The following ZNF831 variants were observed in gnomAD, a reference collection of about 807,000 sequenced individuals.
ZNF831 encodes the protein zinc finger protein 831.
In ZNF831, 59 loss-of-function variants were observed where a neutral mutation model predicts 95.8. The observed-to-expected ratio is 0.62, with a 90% CI of 0.50 to 0.77. The LOEUF is 0.77. Ranked by LOEUF, ZNF831 falls within the 30% of genes least tolerant of loss-of-function variation. The pLI is 0.00. For missense variants in ZNF831, 2,205 were observed against 2,164.0 expected, an observed-to-expected ratio of 1.02 and a Z score of -0.38; for synonymous variants, 961 against 925.5, an observed-to-expected ratio of 1.04 and a Z score of -0.70.
At chr20:59,164,853 T>C (rs1410657415) in intron 1 of ZNF831, among the ~76,000 whole-genome samples, 1 of 152,188 alleles carries the variant, frequency 6.6e-6, no homozygotes, top group Non-Finnish European at 1.5e-5. Context: ...GTTTCTCCTT[T>C]CCCGTAGCAA....
At chr20:59,204,181 C>T (rs1296944699) in intron 3 of ZNF831, among the ~76,000 whole-genome samples, 1 of 152,302 alleles carries the variant, frequency 6.6e-6, no homozygotes, top group East Asian at 1.9e-4. Flanking sequence ...AGAAAAAAAT[C>T]CTGGGCTTTG....
chr20:59,194,662 A>T lies in ZNF831; in HGVS notation c.3643A>T (p.Ser1215Cys). ...VYLAVHFPGS[S>C]LRDEGPNGPP... ...CTTGGCGGTGCACTTTCCTGGTAGC[A>T]GCCTCCGAGATGAGGGTCCCAATGG... The change falls in exon 2 of 6, where the codon AGC (serine) becomes TGC (cysteine). Residue 1215 changes from serine (S) to cysteine (C), a missense_variant. Coordinates refer to ENST00000371030, the MANE Select transcript of ZNF831 (RefSeq NM_178457.3). 1 of 1,613,326 alleles carries T rather than the reference A, an allele frequency of 6.2e-7. No individual in the cohort carries two copies. Among genetic ancestry groups the T allele is most frequent in the Non-Finnish European group, 8.5e-7 (1 of 1,179,756 alleles).
Position 59,254,726 on chromosome 20 carries a change from T to A in ZNF831, c.5017T>A (p.Leu1673Ile), listed in dbSNP as rs1350547230. The change falls in exon 6 of 6, where the codon TTA becomes ATA. Residue 1673 changes from leucine to isoleucine, a missense_variant. Leu to Ile is a conservative substitution (Grantham distance 5). Transcript: ENST00000371030. The surrounding 1 kb of genome is among the most constrained non-coding windows in gnomAD (Gnocchi z 4.5). ...SDTSSDDEDR[L>I]VIEI ...CACCAGCAGCGACGATGAAGACCGA[T>A]TAGTTATAGAAATATGAAGCTTCCA... is the stretch of plus-strand genomic sequence containing the variant. 1.9e-6 allele frequency: 3 copies of A among 1,609,246 alleles called. No individual in the cohort carries two copies. The highest frequency in any genetic ancestry group is 2.5e-6 in the Non-Finnish European group (3 of 1,178,856).
chr20:59,178,301 G>T (rs1982330666), intron 1 of ZNF831, among the ~76,000 whole-genome samples: 1 of 152,246 alleles, frequency 6.6e-6, no homozygotes, highest in African/African-American at 2.4e-5. Flanking sequence ...GGACTCTGCT[G>T]TATAAACCTT....
chr20:59,177,895 T>A (rs1982301107), intron 1 of ZNF831, among the ~76,000 whole-genome samples: 1 of 152,180 alleles, frequency 6.6e-6, no homozygotes, highest in African/African-American at 2.4e-5. Context: ...AGTAGCAAAG[T>A]GCCCTTGCAG....
intron 1 of ZNF831, among the ~76,000 whole-genome samples, chr20:59,165,773 C>G (rs1981210955): frequency 6.6e-6 from 1 of 151,572 alleles, no homozygotes; most frequent in Non-Finnish European, 1.5e-5. Flanking sequence ...TTTTTTGGAG[C>G]TGTAATCTCG....
intron 2 of ZNF831, among the ~76,000 whole-genome samples, chr20:59,157,930 T>C (rs1003276009): frequency 2.0e-5 from 3 of 152,216 alleles, no homozygotes; most frequent in Non-Finnish European, 4.4e-5. Context: ...CCAGCTTTTC[T>C]TGTTGTAGCT....
intron 4 of ZNF831, among the ~76,000 whole-genome samples, chr20:59,216,193 A>T (rs1985669700): frequency 6.6e-6 from 1 of 152,068 alleles, no homozygotes. Context: ...TGTCAGTAGG[A>T]TCCTCATTGG....
intron 4 of ZNF831, among the ~76,000 whole-genome samples, chr20:59,231,498 C>T (rs745832777): frequency 9.9e-5 from 15 of 152,074 alleles, no homozygotes; most frequent in Non-Finnish European, 1.9e-4. Flanking sequence ...CTCCCCAGCA[C>T]GGTGTAAAAA....
In ZNF831 at chr20:59,192,115, C is replaced by CT. The variant is rs1983609175; in HGVS notation, c.1099dup (p.Ser367PhefsTer89). On this transcript the variant is annotated frameshift_variant, in exon 2 of 6. Coordinates refer to ENST00000371030, the MANE Select transcript of ZNF831 (RefSeq NM_178457.3). LOFTEE classifies it high-confidence loss of function. This position sits in a 1 kb window ranked among gnomAD's most constrained non-coding sequence, Gnocchi z 5.2. The stretch of plus-strand genomic sequence containing the variant: ...TGCGCCCTGCAGCCCCCTGCACAGC[C>CT]TTTCGGAGCACAGCGCCGAGTCCGA... 6.3e-7 allele frequency: 1 copy of CT among 1,580,908 alleles called. No individual in the cohort carries two copies. Among genetic ancestry groups the CT allele is most frequent in the Non-Finnish European group, 8.6e-7 (1 of 1,168,952 alleles).
In ZNF831 at chr20:59,191,513, C is replaced by T. The variant is rs1983524649; in HGVS notation, c.494C>T (p.Ser165Phe). The change falls in exon 2 of 6, where the codon TCC becomes TTC. Residue 165 changes from serine (S) to phenylalanine (F), a missense_variant. Coordinates refer to ENST00000371030, the MANE Select transcript of ZNF831 (RefSeq NM_178457.3). ...AGTGTTCTAGAGAAGCACATCCGGT[C>T]CCACACGGGTGAGAGGCCCTTCCCG... is the stretch of plus-strand genomic sequence containing the variant. The part of the protein sequence containing the change: ...KPSVLEKHIR[S>F]HTGERPFPCA... The T allele has an allele frequency of 6.2e-7, 1 of 1,613,148 alleles. No homozygotes were observed. Among genetic ancestry groups the T allele is most frequent in the East Asian group, 2.2e-5 (1 of 44,870 alleles).
chr20:59,213,749 G>A (rs1985496242), intron 4 of ZNF831, among the ~76,000 whole-genome samples: 1 of 152,204 alleles, frequency 6.6e-6, no homozygotes, highest in African/African-American at 2.4e-5. Flanking sequence ...TGGGTTACCA[G>A]TGGGATGGCA....
intron 4 of ZNF831, among the ~76,000 whole-genome samples, chr20:59,233,662 T>C (rs1282366527): frequency 1.3e-5 from 2 of 152,214 alleles, no homozygotes; most frequent in African/African-American, 4.8e-5. Flanking sequence ...TCAATAAATA[T>C]GGAAGTATCA....
At chr20:59,201,235 G>A (rs1174149153) in intron 3 of ZNF831, among the ~76,000 whole-genome samples, 1 of 152,124 alleles carries the variant, frequency 6.6e-6, no homozygotes, top group Non-Finnish European at 1.5e-5. Flanking sequence ...AACAAGTGAT[G>A]ATATTCAGCA....
Position 59,254,542 on chromosome 20 carries a change from C to T in ZNF831, c.4833C>T (p.Asp1611=), listed in dbSNP as rs369447002. ...MTVPCPSLGS[D]GRKRQVSGLI... is the part of the protein sequence containing the mutation. Reference sequence around the variant, plus strand: ...TCCCCTGCCCCTCTTTAGGAAGTGACGGTAGGAAACGTCAGGTATCTGGAT... The same window carrying T: ...TCCCCTGCCCCTCTTTAGGAAGTGATGGTAGGAAACGTCAGGTATCTGGAT... The change falls in exon 6 of 6, where the codon GAC becomes GAT. Residue 1611 remains aspartate (D), a synonymous_variant. Transcript: ENST00000371030. This position sits in a 1 kb window ranked among gnomAD's most constrained non-coding sequence, Gnocchi z 4.5. 4.6e-5 allele frequency: 75 copies of T among 1,614,020 alleles called. No homozygotes were observed. The African/African-American group carries it at 5.2e-4, about 11-fold the overall frequency.
intron 1 of ZNF831, among the ~76,000 whole-genome samples, chr20:59,136,576 A>G (rs554300871): frequency 6.6e-6 from 1 of 152,218 alleles, no homozygotes; most frequent in East Asian, 1.9e-4. Context: ...ACCTGCCATG[A>G]TCCTTTGCGG....
intron 1 of ZNF831, among the ~76,000 whole-genome samples, chr20:59,125,522 G>C (rs56128044): frequency 6.6e-6 from 1 of 152,000 alleles, no homozygotes; most frequent in Non-Finnish European, 1.5e-5. Flanking sequence ...CGTCTGAGAA[G>C]CTCCGCCGAT....
rs1988076179 is a variant in ZNF831 at position 59,254,442 on chromosome 20, G to T, written c.4733G>T (p.Ser1578Ile). 6.2e-7 allele frequency: 1 copy of T among 1,614,098 alleles called. No homozygotes were observed. The highest frequency in any genetic ancestry group is 8.5e-7 in the Non-Finnish European group (1 of 1,180,046). ...EIPASGPSSA[S>I]SHHKEGRHKT... ...CCAGCTTCAGGACCAAGTTCAGCTA[G>T]TTCACACCACAAGGAAGGGAGACAC... Residue 1578 changes from serine (S) to isoleucine (I), a missense_variant, in exon 6 of 6, where the codon AGT becomes ATT. Ser to Ile is a moderately radical substitution (Grantham distance 142, BLOSUM62 -2). Coordinates refer to ENST00000371030, the MANE Select transcript of ZNF831 (RefSeq NM_178457.3). This position sits in a 1 kb window ranked among gnomAD's most constrained non-coding sequence, Gnocchi z 4.5.
At chr20:59,126,502 T>G (rs1176818820) in intron 1 of ZNF831, among the ~76,000 whole-genome samples, 3 of 152,184 alleles carry the variant, frequency 2.0e-5, no homozygotes, top group Non-Finnish European at 2.9e-5. Context: ...GTTTCTATCC[T>G]TTTAGAAAGA....
Sources: allele counts gnomAD v4.1 joint callset (sites outside exome capture counted in the v4.1 genomes callset), GRCh38; gene constraint gnomAD v4.1.1; non-coding constraint Gnocchi (gnomAD v3.1); transcripts MANE v1.5; gene names NCBI Gene and HGNC (gene_info 2026-07-23, HGNC 2026-07-21).